Variants in CTDP1 observed in about 807,000 individuals in gnomAD.
CTDP1 encodes CTD phosphatase 1.
Under a neutral mutation model 91.8 loss-of-function variants are expected in CTDP1, and 47 were observed. The ratio of observed to expected loss-of-function variants is 0.51; its 90% CI spans 0.41 to 0.65. The LOEUF is 0.65. CTDP1 is among the 30% of genes least tolerant of loss of function. CTDP1 has a pLI of 0.00. For synonymous variants in CTDP1, 656 were observed against 598.5 expected, an observed-to-expected ratio of 1.10 and a Z score of -1.40; for missense variants, 1,272 against 1,373.7, an observed-to-expected ratio of 0.93 and a Z score of 1.17.
intron 11 of CTDP1, among the ~76,000 whole-genome samples, chr18:79,734,515 G>A (rs1481808467): frequency 6.6e-6 from 1 of 151,892 alleles, no homozygotes; most frequent in African/African-American, 2.4e-5. Flanking sequence ...GCAGCACGGG[G>A]GCACGTGCCG....
intron 11 of CTDP1, 96 bp downstream of exon 11, chr18:79,729,165 G>A: frequency 2.0e-6 from 3 of 1,514,264 alleles, no homozygotes; most frequent in Non-Finnish European, 2.7e-6. Context: ...TGCACCTGGA[G>A]GCCGAGCTAG....
At chr18:79,716,604 G>A (rs1428503732) in intron 8 of CTDP1, among the ~76,000 whole-genome samples, 3 of 151,884 alleles carry the variant, frequency 2.0e-5, no homozygotes, top group Admixed American at 6.5e-5. Context: ...TCAGGTGCCT[G>A]TCTGCCCTGC....
In CTDP1 at chr18:79,754,249, C is replaced by G; in HGVS notation, c.*459C>G. The G allele has an allele frequency of 4.5e-6, 1 of 220,050 alleles. No individual in the cohort carries two copies. The highest frequency in any genetic ancestry group is 6.5e-5 in the South Asian group (1 of 15,374). 13.6% of individuals were successfully genotyped at this position (220,050 alleles called of 1,614,324 possible). A position where few individuals can be genotyped will look rare whatever the true frequency, so the allele number is the denominator to read the frequency against. ...GAACCCCCGCCGCCTGCTGCTCCCT[C>G]CTAGGGAACCCATTTCCGGGGAACG... On this transcript the variant is annotated 3_prime_UTR_variant, in exon 13 of 13. Transcript: ENST00000613122.
intron 12 of CTDP1, among the ~76,000 whole-genome samples, chr18:79,747,575 G>A (rs1176116348): frequency 2.0e-5 from 3 of 152,300 alleles, no homozygotes; most frequent in African/African-American, 4.8e-5. Context: ...CCAGGTCCCC[G>A]CGGAGCCCCC....
intron 4 of CTDP1, among the ~76,000 whole-genome samples, chr18:79,704,131 A>G (rs1489987847): frequency 1.3e-5 from 2 of 152,200 alleles, no homozygotes; most frequent in African/African-American, 2.4e-5. Flanking sequence ...GCATTCCCGC[A>G]GCAGAGAAGG....
At chr18:79,717,510 C>G in intron 8 of CTDP1, 25 bp from the exon 9 acceptor site, 2 of 1,611,126 alleles carry the variant, frequency 1.2e-6, no homozygotes, top group East Asian at 4.5e-5. Context: ...GCCGGAACAG[C>G]CTGACGCAGC....
At chr18:79,745,097 G>A (rs1395161028) in intron 12 of CTDP1, among the ~76,000 whole-genome samples, 1 of 152,174 alleles carries the variant, frequency 6.6e-6, no homozygotes. Context: ...AGGTGCTCCT[G>A]GGATTAGGAG....
chr18:79,733,583 C>T (rs888068535), intron 11 of CTDP1, among the ~76,000 whole-genome samples: 1 of 151,956 alleles, frequency 6.6e-6, no homozygotes, highest in African/African-American at 2.4e-5. Flanking sequence ...GCCTCTCCAG[C>T]TGCGTTACCT....
intron 12 of CTDP1, among the ~76,000 whole-genome samples, chr18:79,736,857 G>A (rs579441): frequency 0.2 from 29,556 of 149,856 alleles, 2,870 homozygotes; most frequent in Middle Eastern, 0.34. Context: ...GTCTACAGGC[G>A]TGTGTGAGGT....
At chr18:79,742,155 GGGGGC>G (rs1424175338) in intron 12 of CTDP1, among the ~76,000 whole-genome samples, 4 of 101,170 alleles carry the variant, frequency 4.0e-5, no homozygotes, top group Non-Finnish European at 6.9e-5. Context: ...GTGGAGGCCT[GGGGGC>G]AGCAGAGGAA....
rs4798910 is a variant in CTDP1, at chr18:79,733,587, G to C, written c.2581-2768G>C. ...CGGCGTCCGCTGCCTCTCCAGCTGC[G>C]TTACCTCGTTTCTGCGTGTTCTGCT... On this transcript the variant is annotated intron_variant, in intron 11 of 12. Coordinates refer to ENST00000613122, the MANE Select transcript of CTDP1 (RefSeq NM_004715.5). 4.8e-3 allele frequency among the ~76,000 whole-genome samples: 727 copies of C among 151,870 alleles called. 15 individuals are homozygous for C. Among genetic ancestry groups the C allele is most frequent in the Admixed American group, 0.036 (555 of 15,268 alleles).
At chr18:79,712,581 G>C (rs1457464527) in intron 6 of CTDP1, among the ~76,000 whole-genome samples, 1 of 152,230 alleles carries the variant, frequency 6.6e-6, no homozygotes, top group Admixed American at 6.5e-5. Context: ...ACAGCGCCTA[G>C]CCTGGTCTGT....
rs1568177724 is a variant in CTDP1, at chr18:79,693,858, T to TC, written c.315-1364dup. On this transcript the variant is annotated intron_variant, in intron 1 of 12. Coordinates refer to ENST00000613122, the MANE Select transcript of CTDP1 (RefSeq NM_004715.5). ...GGCTACAGACCCGCCCCTCCGAGTC[T>TC]CCCTGAAGGATGCAGGCTACAGACC... 2.5e-3 allele frequency among the ~76,000 whole-genome samples: 361 copies of TC among 143,418 alleles called. 4 individuals are homozygous for TC. The highest frequency in any genetic ancestry group is 9.7e-3 in the African/African-American group (342 of 35,426). The allele number at this position is 143,418 out of a possible 152,430, so 94.1% of individuals were successfully genotyped here.
rs750542077 is a variant in CTDP1 at position 79,697,962 on chromosome 18, C to A, written c.595C>A (p.Gln199Lys). The change falls in exon 4 of 13, where the codon CAG becomes AAG. Residue 199 changes from glutamine (Q) to lysine (K), a missense_variant. This residue lies in a region of CTDP1 where 177 missense variants were observed against 283.0 expected (regional missense o/e 0.63). Coordinates refer to ENST00000613122, the MANE Select transcript of CTDP1 (RefSeq NM_004715.5). ...CCAGACGTTGATTCACACAACCGAG[C>A]AGCACTGTCAGCAGATGTCGAATAA... ...LDQTLIHTTEQHCQQMSNKGI... is the reference protein window; with the variant it reads ...LDQTLIHTTEKHCQQMSNKGI... 1.2e-6 allele frequency: 2 copies of A among 1,614,240 alleles called. No homozygotes were observed. Among genetic ancestry groups the A allele is most frequent in the Non-Finnish European group, 8.5e-7 (1 of 1,180,050 alleles).
chr18:79,679,882 G>A lies in CTDP1; in HGVS notation c.-66G>A. ...GTCGCCGCCTGGGTTGTGTCGCCGC[G>A]GTAGGCGCTGCGCTCTGAGCGCAGC... On this transcript the variant is annotated 5_prime_UTR_variant, in exon 1 of 13. Coordinates refer to ENST00000613122, the MANE Select transcript of CTDP1 (RefSeq NM_004715.5). The A allele has an allele frequency of 1.5e-6, 2 of 1,317,064 alleles. No homozygotes were observed. Among genetic ancestry groups the A allele is most frequent in the South Asian group, 1.6e-5 (1 of 63,650 alleles). The allele number at this position is 1,317,064 out of a possible 1,614,324, so 81.6% of individuals were successfully genotyped here. A position where few individuals can be genotyped will look rare whatever the true frequency, so the allele number is the denominator to read the frequency against.
At chr18:79,679,408 G>A (rs1225894389), upstream of CTDP1, 2 of 456,030 alleles carry the variant, frequency 4.4e-6, no homozygotes, top group Non-Finnish European at 8.8e-6. Context: ...CGCGATGGGA[G>A]TGGAGGAGAG....
Position 79,715,071 on chromosome 18 carries a change from G to A in CTDP1, c.1611G>A (p.Glu537=), listed in dbSNP as rs368416257. Residue 537 remains glutamate (E), a synonymous_variant, in exon 8 of 13, where the codon GAG becomes GAA. Transcript: ENST00000613122. ...EPELGGQEEG[E]RDGLCGLGNG... ...AGCTGGGTGGGCAGGAGGAGGGCGA[G>A]CGGGATGGCCTCTGCGGCCTGGGCA... 1 of 1,612,406 alleles carries A rather than the reference G, an allele frequency of 6.2e-7. No homozygotes were observed. Among genetic ancestry groups the A allele is most frequent in the African/African-American group, 1.3e-5 (1 of 74,934 alleles).
chr18:79,734,491 A>G (rs1189646755), intron 11 of CTDP1, among the ~76,000 whole-genome samples: 1 of 152,238 alleles, frequency 6.6e-6, no homozygotes, highest in African/African-American at 2.4e-5. Context: ...ACGTACCTCC[A>G]GATCTTCCAG....
At chr18:79,746,760 G>A (rs1395823027) in intron 12 of CTDP1, among the ~76,000 whole-genome samples, 1 of 152,190 alleles carries the variant, frequency 6.6e-6, no homozygotes, top group Non-Finnish European at 1.5e-5. Context: ...AGGACCACAG[G>A]TGCGCACCAC....
Sources: allele counts gnomAD v4.1 joint callset (sites outside exome capture counted in the v4.1 genomes callset), GRCh38; gene constraint gnomAD v4.1.1; regional missense constraint gnomAD v4.1.1; transcripts MANE v1.5; gene names NCBI Gene and HGNC (gene_info 2026-07-23, HGNC 2026-07-21).